Variants in ST3GAL1 observed in about 807,000 individuals in gnomAD.
The protein encoded by ST3GAL1 is ST3 beta-galactoside alpha-2,3-sialyltransferase 1, also known as CMP-N-acetylneuraminate-beta-galactosamide-alpha-2,3-sialyltransferase 1.
Under a neutral mutation model 34.1 loss-of-function variants are expected in ST3GAL1, and 16 were observed. That is an observed-to-expected ratio of 0.47 (90% CI 0.32 to 0.71). ST3GAL1 has a LOEUF of 0.71. Among genes scored for constraint, ST3GAL1 ranks in the 30% least tolerant of loss-of-function variants. The pLI is 0.04. For missense variants in ST3GAL1, 353 were observed against 447.4 expected, an observed-to-expected ratio of 0.79 and a Z score of 1.90; for synonymous variants, 191 against 184.7, an observed-to-expected ratio of 1.03 and a Z score of -0.28.
At chr8:133,528,621 T>C (rs1000909014) in intron 2 of ST3GAL1, among the ~76,000 whole-genome samples, 1 of 152,258 alleles carries the variant, frequency 6.6e-6, no homozygotes, top group Admixed American at 6.5e-5. Flanking sequence ...AAATGAAGTT[T>C]TGTGGAACAC....
At chr8:133,537,918 A>G (rs544991334) in intron 2 of ST3GAL1, among the ~76,000 whole-genome samples, 1 of 152,146 alleles carries the variant, frequency 6.6e-6, no homozygotes, top group African/African-American at 2.4e-5. Flanking sequence ...TAATGATGAG[A>G]GTTGTGACTG....
chr8:133,507,633 G>A (rs1056085764), intron 2 of ST3GAL1, among the ~76,000 whole-genome samples: 2 of 152,222 alleles, frequency 1.3e-5, no homozygotes, highest in African/African-American at 4.8e-5. Flanking sequence ...AAGAAAAGAA[G>A]ACGTATTGTT....
intron 2 of ST3GAL1, among the ~76,000 whole-genome samples, chr8:133,527,795 C>T (rs778850840): frequency 3.3e-5 from 5 of 152,110 alleles, no homozygotes; most frequent in Admixed American, 1.3e-4. Flanking sequence ...TACCCCAGCT[C>T]GCATCATAAC....
At position 133,540,806 on chromosome 8, in the gene ST3GAL1, G is replaced by GACATATATATATAGACATATATATAT. The variant is rs1228189009; in HGVS notation, c.-429+4967_-429+4968insATATATATATGTCTATATATATATGT. Among the ~76,000 whole-genome samples, 17 of 87,958 alleles carry GACATATATATATAGACATATATATAT rather than the reference G, an allele frequency of 1.9e-4. 1 individual carries two copies. The highest frequency in any genetic ancestry group is 5.8e-4 in the African/African-American group (12 of 20,746). The allele number at this position is 87,958 out of a possible 152,430, so 57.7% of individuals were successfully genotyped here. On this transcript the variant is annotated intron_variant, in intron 2 of 9. Transcript: ENST00000522652. ...ATATATATATATAGACATATATATA[G>GACATATATATATAGACATATATATAT]AGAGACATATATATATAGACATATA... is the stretch of plus-strand genomic sequence containing the variant.
intron 3 of ST3GAL1, among the ~76,000 whole-genome samples, chr8:133,479,645 G>C (rs529468549): frequency 2.0e-5 from 3 of 152,226 alleles, no homozygotes; most frequent in African/African-American, 7.2e-5. Context: ...CTGCCTCTGC[G>C]TGAGAGATAT....
chr8:133,506,601 A>C (rs572253486), intron 2 of ST3GAL1, among the ~76,000 whole-genome samples: 39 of 151,996 alleles, frequency 2.6e-4, no homozygotes, highest in Admixed American at 2.0e-3. Flanking sequence ...CCTGGCCAAC[A>C]TGGTGAAACC....
chr8:133,555,778 G>A (rs1224067896), intron 1 of ST3GAL1, among the ~76,000 whole-genome samples: 5 of 152,150 alleles, frequency 3.3e-5, no homozygotes, highest in Admixed American at 6.5e-5. Context: ...ACCCCTCACT[G>A]CTGCTGTTGG....
At chr8:133,478,800 T>G (rs1354699134) in intron 3 of ST3GAL1, among the ~76,000 whole-genome samples, 1 of 152,202 alleles carries the variant, frequency 6.6e-6, no homozygotes, top group Non-Finnish European at 1.5e-5. Context: ...TTCACACATA[T>G]GTCTCCTCCC....
At chr8:133,537,211 G>C (rs576507449) in intron 2 of ST3GAL1, among the ~76,000 whole-genome samples, 154 of 152,284 alleles carry the variant, frequency 1.0e-3, no homozygotes, top group African/African-American at 3.2e-3. Context: ...CAGATAGAGA[G>C]ATGCGTGGGG....
intron 2 of ST3GAL1, among the ~76,000 whole-genome samples, chr8:133,524,306 GTGGT>G (rs1817897344): frequency 1.3e-5 from 2 of 152,228 alleles, no homozygotes; most frequent in Non-Finnish European, 2.9e-5. Context: ...CAGCTAGAAA[GTGGT>G]AGAGCCAGGA....
Position 133,478,415 on chromosome 8 carries a change from G to A in ST3GAL1, c.-373-1815C>T, listed in dbSNP as rs573480421. Among the ~76,000 whole-genome samples, 7 of 152,350 alleles carry A rather than the reference G, an allele frequency of 4.6e-5. No individual in the cohort carries two copies. In the South Asian group the frequency reaches 1.4e-3, roughly 32 times the overall value. Reference sequence around the variant, plus strand: ...ATCCTGCTGGCTATTTTGCTAGCGTGTGTAGAAGAGACTAGAGCTGAACAA... The same window carrying A: ...ATCCTGCTGGCTATTTTGCTAGCGTATGTAGAAGAGACTAGAGCTGAACAA... On this transcript the variant is annotated intron_variant, in intron 3 of 9. Transcript: ENST00000522652.
chr8:133,483,583 T>C (rs1586604339), intron 3 of ST3GAL1, among the ~76,000 whole-genome samples: 1 of 152,208 alleles, frequency 6.6e-6, no homozygotes, highest in African/African-American at 2.4e-5. Flanking sequence ...CATCAAATCA[T>C]GCAAACCAGT....
chr8:133,503,832 C>A (rs755679562), intron 2 of ST3GAL1, among the ~76,000 whole-genome samples: 4 of 152,194 alleles, frequency 2.6e-5, no homozygotes, highest in Non-Finnish European at 4.4e-5. Context: ...GCAGAGATGG[C>A]AGCACTGTGA....
rs111788678 is a variant in ST3GAL1 at position 133,568,002 on chromosome 8, T to C, written c.-582+3691A>G. Among the ~76,000 whole-genome samples the C allele has an allele frequency of 2.8e-3, 417 of 151,104 alleles. 1 individual carries two copies. Among genetic ancestry groups the C allele is most frequent in the African/African-American group, 9.7e-3 (398 of 41,112 alleles). ...ATGGCACGATCTCAGCTCACTGCAA[T>C]CTCCACCTCCCGGGTCCAAGTGATT... On this transcript the variant is annotated intron_variant, in intron 1 of 9. Coordinates refer to ENST00000522652, the MANE Select transcript of ST3GAL1 (RefSeq NM_173344.3).
At chr8:133,484,275 G>GA (rs1330814996) in intron 3 of ST3GAL1, among the ~76,000 whole-genome samples, 1 of 152,154 alleles carries the variant, frequency 6.6e-6, no homozygotes, top group Non-Finnish European at 1.5e-5. Context: ...GCAAGATGGG[G>GA]AAAATCACAT....
In ST3GAL1 at chr8:133,541,034, CAT is replaced by C. The variant is rs370767285; in HGVS notation, c.-429+4738_-429+4739del. Among the ~76,000 whole-genome samples, 337 of 96,568 alleles carry C rather than the reference CAT, an allele frequency of 3.5e-3. 9 individuals are homozygous for C. The highest frequency in any genetic ancestry group is 5.6e-3 in the Non-Finnish European group (274 of 48,594). 63.4% of individuals were successfully genotyped at this position (96,568 alleles called of 152,430 possible). On this transcript the variant is annotated intron_variant, in intron 2 of 9. Coordinates refer to ENST00000522652, the MANE Select transcript of ST3GAL1 (RefSeq NM_173344.3). ...ATATATATGCAGACATATATATAGACATATATAGACATATATATAGACATATA... is the reference window on the plus strand; with the variant it reads ...ATATATATGCAGACATATATATAGACATATAGACATATATATAGACATATA...
At chr8:133,538,731 T>C (rs1367493766) in intron 2 of ST3GAL1, among the ~76,000 whole-genome samples, 1 of 152,222 alleles carries the variant, frequency 6.6e-6, no homozygotes, top group Non-Finnish European at 1.5e-5. Context: ...GTGGCTCAAA[T>C]GCATATTATT....
intron 1 of ST3GAL1, among the ~76,000 whole-genome samples, chr8:133,552,721 C>T (rs939234629): frequency 6.6e-6 from 1 of 152,182 alleles, no homozygotes; most frequent in African/African-American, 2.4e-5. Flanking sequence ...CTGAAATGGG[C>T]TCAACACATG....
chr8:133,541,718 G>C (rs1818539811), intron 2 of ST3GAL1, among the ~76,000 whole-genome samples: 1 of 152,194 alleles, frequency 6.6e-6, no homozygotes, highest in African/African-American at 2.4e-5. Context: ...ACAAACAGGT[G>C]CTTGCTATAA....
Sources: allele counts gnomAD v4.1 joint callset (sites outside exome capture counted in the v4.1 genomes callset), GRCh38; gene constraint gnomAD v4.1.1; transcripts MANE v1.5; gene names NCBI Gene and HGNC (gene_info 2026-07-23, HGNC 2026-07-21).